The following PRELID2 variants were observed in gnomAD, a reference collection of about 807,000 sequenced individuals.
PRELID2 encodes the protein PRELI domain-containing protein 2.
PRELID2 carries 25 observed loss-of-function variants against 28.4 expected under a neutral mutation model. The ratio of observed to expected loss-of-function variants is 0.88; its 90% CI spans 0.64 to 1.23. The LOEUF is 1.23. PRELID2 is among the 50% of genes most tolerant of loss of function. The probability of loss-of-function intolerance (pLI) is 0.00; values close to 1 mark genes in which losing one functional copy is unlikely to be tolerated. For synonymous variants in PRELID2, 76 were observed against 71.6 expected (o/e 1.06, Z -0.31); for missense variants, 201 against 214.4 (o/e 0.94, Z 0.39).
At chr5:145,522,831 A>C (rs1286367496) in intron 1 of PRELID2, among the ~76,000 whole-genome samples, 1 of 151,872 alleles carries the variant, frequency 6.6e-6, no homozygotes, top group Admixed American at 6.6e-5. Context: ...GTAGGAGAAG[A>C]AGAAGGAGGA....
intron 1 of PRELID2, among the ~76,000 whole-genome samples, chr5:145,497,672 T>C (rs1221929438): frequency 1.3e-5 from 2 of 152,180 alleles, no homozygotes; most frequent in African/African-American, 4.8e-5. Flanking sequence ...CTGTGCTCAC[T>C]CAAGTAGTTT....
chr5:145,784,800 T>A (rs79752441), intron 5 of PRELID2, among the ~76,000 whole-genome samples: 1,716 of 95,448 alleles, frequency 0.018, 20 homozygotes, highest in East Asian at 0.058. Flanking sequence ...TTTTTTTTTT[T>A]AAAAAAACAT....
intron 1 of PRELID2, among the ~76,000 whole-genome samples, chr5:145,743,216 C>A (rs2149743208): frequency 6.6e-6 from 1 of 151,906 alleles, no homozygotes; most frequent in African/African-American, 2.4e-5. Context: ...CAAGACCAGC[C>A]TGGCCAACAT....
intron 1 of PRELID2, among the ~76,000 whole-genome samples, chr5:145,659,403 T>C (rs1013949838): frequency 2.0e-5 from 3 of 152,214 alleles, no homozygotes; most frequent in Non-Finnish European, 4.4e-5. Flanking sequence ...TATAATTCCA[T>C]TTTAAGGCAG....
chr5:145,465,275 TTTAG>T, the PRELID2 span, among the ~76,000 whole-genome samples: 2 of 152,152 alleles, frequency 1.3e-5, no homozygotes, highest in African/African-American at 4.8e-5. Flanking sequence ...AAGATTCTGA[TTTAG>T]TTAGTCCAGA....
chr5:145,740,882 GTACATA>G (rs1756684275), intron 1 of PRELID2, among the ~76,000 whole-genome samples: 1 of 93,622 alleles, frequency 1.1e-5, no homozygotes, highest in African/African-American at 4.8e-5. Context: ...AAATATATAT[GTACATA>G]TATTTATCGA....
intron 1 of PRELID2, among the ~76,000 whole-genome samples, chr5:145,615,316 CTCTTT>C (rs1753679101): frequency 8.0e-6 from 1 of 125,570 alleles, no homozygotes; most frequent in Non-Finnish European, 1.6e-5. Context: ...TTATGTGAGT[CTCTTT>C]TTTTTGTTTT....
the PRELID2 span, among the ~76,000 whole-genome samples, chr5:145,331,640 C>T: frequency 6.6e-6 from 1 of 151,880 alleles, no homozygotes; most frequent in South Asian, 2.1e-4. Context: ...TTCCTCCATC[C>T]TTTTTTTTGA....
At chr5:145,600,298 C>G (rs1041951450) in intron 1 of PRELID2, among the ~76,000 whole-genome samples, 2 of 151,252 alleles carry the variant, frequency 1.3e-5, no homozygotes, top group South Asian at 2.1e-4. Context: ...AGCTAGATCC[C>G]GAGTAAAATC....
At chr5:145,468,787 T>C (rs575353803), downstream of PRELID2, among the ~76,000 whole-genome samples, 66 of 152,292 alleles carry the variant, frequency 4.3e-4, no homozygotes, top group South Asian at 3.5e-3. Flanking sequence ...GTAAATTTGT[T>C]TGAGTTCTTT....
At chr5:145,617,191 T>A (rs1394415558) in intron 1 of PRELID2, among the ~76,000 whole-genome samples, 1 of 152,206 alleles carries the variant, frequency 6.6e-6, no homozygotes. Flanking sequence ...ACAAACAATT[T>A]GTGCAGTTAA....
chr5:145,830,346 G>A (rs1049182878), intron 1 of PRELID2, among the ~76,000 whole-genome samples: 2 of 152,152 alleles, frequency 1.3e-5, no homozygotes, highest in African/African-American at 4.8e-5. Flanking sequence ...AGAAAATCCA[G>A]TCAATATAAT....
chr5:145,289,469 T>G, the PRELID2 span, among the ~76,000 whole-genome samples: 1 of 152,158 alleles, frequency 6.6e-6, no homozygotes, highest in African/African-American at 2.4e-5. Flanking sequence ...TTCTGGTGTA[T>G]GGGTATACCA....
chr5:145,441,069 CCTT>C, the PRELID2 span: 2 of 152,080 alleles, frequency 1.3e-5, no homozygotes, highest in Non-Finnish European at 2.9e-5. Context: ...AGAAATCTCA[CCTT>C]CTTGCAAAGA....
chr5:145,515,221 GT>G lies in PRELID2; in HGVS notation n.71-41907del, dbSNP rs1197676366. Among the ~76,000 whole-genome samples the G allele has an allele frequency of 2.0e-5, 3 of 152,224 alleles. No homozygotes were observed. The East Asian group carries it at 5.8e-4, about 29-fold the overall frequency. On this transcript the variant is annotated intron_variant and non_coding_transcript_variant, in intron 1 of 2. Transcript: ENST00000510259. ...AAAAAATTAATGAATCCAGGAGCTGGTTTTTTGAAAAGACTAAAATAGACCA... is the reference window on the plus strand; with the variant it reads ...AAAAAATTAATGAATCCAGGAGCTGGTTTTTGAAAAGACTAAAATAGACCA...
At chr5:145,591,283 G>A (rs545859556) in intron 1 of PRELID2, among the ~76,000 whole-genome samples, 202 of 148,948 alleles carry the variant, frequency 1.4e-3, no homozygotes, top group African/African-American at 4.6e-3. Context: ...GTGATAGAGC[G>A]AGACTGTGTC....
intron 1 of PRELID2, among the ~76,000 whole-genome samples, chr5:145,826,847 T>C (rs1394075698): frequency 1.3e-5 from 2 of 148,636 alleles, no homozygotes; most frequent in Non-Finnish European, 1.5e-5. Context: ...TGCATTCATA[T>C]TTGCCGAGGG....
chr5:145,784,153 G>A (rs1484796704), intron 5 of PRELID2, among the ~76,000 whole-genome samples: 3 of 151,518 alleles, frequency 2.0e-5, no homozygotes, highest in Admixed American at 2.0e-4. Context: ...GCATGGTGGT[G>A]CACACCTGTA....
At chr5:145,642,111 A>C (rs1361635098) in intron 1 of PRELID2, among the ~76,000 whole-genome samples, 1 of 152,148 alleles carries the variant, frequency 6.6e-6, no homozygotes, top group Admixed American at 6.5e-5. Flanking sequence ...CAATGGTTGA[A>C]CTAATTTACA....
Sources: allele counts gnomAD v4.1 joint callset (sites outside exome capture counted in the v4.1 genomes callset), GRCh38; gene constraint gnomAD v4.1.1; transcripts MANE v1.5; gene names NCBI Gene and HGNC (gene_info 2026-07-23, HGNC 2026-07-21).